Variants in SEPTIN3 observed in about 807,000 individuals in gnomAD.
The protein encoded by SEPTIN3 is neuronal-specific septin-3.
Under a neutral mutation model 45.1 loss-of-function variants are expected in SEPTIN3, and 15 were observed. That is an observed-to-expected ratio of 0.33 (90% CI 0.22 to 0.51). The LOEUF (loss-of-function observed/expected upper bound fraction) is 0.51, where lower values mean the gene tolerates loss of function less well. Ranked by LOEUF, SEPTIN3 falls within the 20% of genes least tolerant of loss-of-function variation. The pLI, the probability that SEPTIN3 is intolerant of heterozygous loss-of-function variation, is 0.97. For synonymous variants in SEPTIN3, 148 were observed against 164.8 expected (o/e 0.90, Z 0.78); for missense variants, 289 against 457.2 (o/e 0.63, Z 3.35).
intron 5 of SEPTIN3, 29 bp downstream of exon 5, chr22:41,987,316 C>T (rs777834021): frequency 3.8e-6 from 6 of 1,567,232 alleles, no homozygotes; most frequent in Admixed American, 1.7e-5. Flanking sequence ...GATCTTTGCC[C>T]TAAAGACTCT....
In SEPTIN3 at chr22:41,992,071, G is replaced by T. The variant is rs5758536; in HGVS notation, c.2259+403G>T. On this transcript the variant is annotated intron_variant, in intron 8 of 11. Coordinates refer to ENST00000644076, the MANE Select transcript of SEPTIN3 (RefSeq NM_001363845.2). ...ACTGAGTGGCTTATAGGCTTCCCCC[G>T]CTAGAATAACTTAAAAAAATTAAAT... Among the ~76,000 whole-genome samples, 267 of 151,664 alleles carry T rather than the reference G, an allele frequency of 1.8e-3. 1 individual carries two copies. Among genetic ancestry groups the T allele is most frequent in the Non-Finnish European group, 2.9e-3 (197 of 67,798 alleles).
At position 41,989,482 on chromosome 22, in the gene SEPTIN3, T is replaced by C. The variant is rs1049866599; in HGVS notation, c.2046-85T>C. The C allele has an allele frequency of 3.5e-6, 3 of 869,516 alleles. No homozygotes were observed. The African/African-American group carries it at 4.9e-5, about 14-fold the overall frequency. The allele number at this position is 869,516 out of a possible 1,614,324, so 53.9% of individuals were successfully genotyped here. ...CCAGATGCCCAGCCCAGTCCTCTTC[T>C]CCTGTGGGTGTCCTGGAGTGGTGGT... On this transcript the variant is annotated intron_variant, in intron 6 of 11. Coordinates refer to ENST00000644076, the MANE Select transcript of SEPTIN3 (RefSeq NM_001363845.2).
At chr22:41,978,318 A>G (rs536245297) in intron 2 of SEPTIN3, among the ~76,000 whole-genome samples, 50 of 152,300 alleles carry the variant, frequency 3.3e-4, no homozygotes, top group African/African-American at 1.2e-3. Flanking sequence ...TGCTGGGTAG[A>G]CTGGGGCACA....
chr22:41,993,826 G>A (rs758463022), intron 9 of SEPTIN3, among the ~76,000 whole-genome samples: 3 of 152,148 alleles, frequency 2.0e-5, no homozygotes, highest in Non-Finnish European at 4.4e-5. Context: ...TTCCAACAGT[G>A]CTTGGCCAAT....
At chr22:41,977,455 C>G (rs1392019904) in intron 2 of SEPTIN3, among the ~76,000 whole-genome samples, 2 of 152,276 alleles carry the variant, frequency 1.3e-5, no homozygotes, top group East Asian at 1.9e-4. Flanking sequence ...TACAGGCACA[C>G]GCTGAGACAG....
chr22:41,986,105 C>T lies in SEPTIN3; in HGVS notation c.1818C>T (p.Ile606=), dbSNP rs118016225. 6.6e-5 allele frequency: 106 copies of T among 1,612,750 alleles called. No homozygotes were observed. Among genetic ancestry groups the T allele is most frequent in the East Asian group, 3.3e-4 (15 of 44,832 alleles). The change falls in exon 4 of 12, where the codon ATC becomes ATT. Residue 606 remains isoleucine, a synonymous_variant. Transcript: ENST00000644076. Reference sequence around the variant, plus strand: ...CCAAGACAGTGGAGATCAAAGCTATCGGGCATGGTGAGGACCAGGCAGGGA... The same window carrying T: ...CCAAGACAGTGGAGATCAAAGCTATTGGGCATGGTGAGGACCAGGCAGGGA... ...KIPKTVEIKA[I]GHVIEEGGVK...
intron 7 of SEPTIN3, among the ~76,000 whole-genome samples, chr22:41,991,345 G>T (rs984744844): frequency 6.6e-6 from 1 of 152,148 alleles, no homozygotes; most frequent in African/African-American, 2.4e-5. Flanking sequence ...ACCTGAAGTT[G>T]CACCTCCTGG....
chr22:41,983,828 C>T (rs144850715), intron 3 of SEPTIN3, among the ~76,000 whole-genome samples: 108 of 152,294 alleles, frequency 7.1e-4, no homozygotes, highest in African/African-American at 2.6e-3. Context: ...TTGCAACATA[C>T]TATAATTGTC....
intron 2 of SEPTIN3, among the ~76,000 whole-genome samples, chr22:41,978,258 C>T (rs575966048): frequency 6.6e-6 from 1 of 152,166 alleles, no homozygotes; most frequent in Non-Finnish European, 1.5e-5. Context: ...CTCTGAAGTT[C>T]TCATTCACTC....
chr22:41,975,118 G>A (rs1322819493), intron 2 of SEPTIN3, among the ~76,000 whole-genome samples: 1 of 152,042 alleles, frequency 6.6e-6, no homozygotes, highest in African/African-American at 2.4e-5. Flanking sequence ...ATCCTGAAAG[G>A]TAAGTTGGAG....
chr22:41,997,279 T>C lies in SEPTIN3; in HGVS notation c.*312T>C. The C allele has an allele frequency of 2.7e-6, 1 of 370,222 alleles. No individual in the cohort carries two copies. Among genetic ancestry groups the C allele is most frequent in the Non-Finnish European group, 4.9e-6 (1 of 203,172 alleles). The allele number at this position is 370,222 out of a possible 1,614,324, so 22.9% of individuals were successfully genotyped here. ...TCTGCCCTTGTAAGCCCATCCCAGC[T>C]ACTTGTAACCATCTCTAAGGGCAAT... On this transcript the variant is annotated 3_prime_UTR_variant, in exon 12 of 12. Transcript: ENST00000644076.
At chr22:41,970,506 G>T (rs1289313334) in intron 1 of SEPTIN3, among the ~76,000 whole-genome samples, 1 of 152,152 alleles carries the variant, frequency 6.6e-6, no homozygotes, top group Non-Finnish European at 1.5e-5. Context: ...CACTGCCCGA[G>T]TGGCCGTTCC....
chr22:41,992,705 G>A lies in SEPTIN3; in HGVS notation c.2301G>A (p.Glu767=), dbSNP rs1249543254. The A allele has an allele frequency of 6.2e-7, 1 of 1,612,412 alleles. No individual in the cohort carries two copies. The highest frequency in any genetic ancestry group is 8.5e-7 in the Non-Finnish European group (1 of 1,179,314). Residue 767 remains glutamate, a synonymous_variant, in exon 9 of 12, where the codon GAG becomes GAA. Coordinates refer to ENST00000644076, the MANE Select transcript of SEPTIN3 (RefSeq NM_001363845.2). Reference sequence around the variant, plus strand: ...TTGCTGTGGTGGGAAGTGACAAGGAGTACCAAGTGAATGGCAAGAGGGTCC... The same window carrying A: ...TTGCTGTGGTGGGAAGTGACAAGGAATACCAAGTGAATGGCAAGAGGGTCC... ...MPFAVVGSDK[E]YQVNGKRVLG...
chr22:41,970,440 A>T (rs969089833), intron 1 of SEPTIN3, among the ~76,000 whole-genome samples: 1 of 152,084 alleles, frequency 6.6e-6, no homozygotes, highest in Non-Finnish European at 1.5e-5. Flanking sequence ...GAGAGTTTCA[A>T]CTATGTCCTC....
At chr22:41,973,767 G>A (rs562080507) in intron 2 of SEPTIN3, among the ~76,000 whole-genome samples, 6 of 152,112 alleles carry the variant, frequency 3.9e-5, no homozygotes, top group South Asian at 4.2e-4. Flanking sequence ...GATCACTTGC[G>A]GTCAGGAGTT....
At chr22:41,979,422 A>G (rs1356202941) in intron 2 of SEPTIN3, among the ~76,000 whole-genome samples, 1 of 152,238 alleles carries the variant, frequency 6.6e-6, no homozygotes, top group Admixed American at 6.5e-5. Flanking sequence ...CTTATAACAC[A>G]GGTTGAGACC....
At chr22:41,986,462 T>C (rs1261764649) in intron 4 of SEPTIN3, among the ~76,000 whole-genome samples, 4 of 152,098 alleles carry the variant, frequency 2.6e-5, no homozygotes, top group Admixed American at 6.5e-5. Flanking sequence ...GAGACCATCT[T>C]GGTCAACACA....
In SEPTIN3 at chr22:41,988,622, C is replaced by T. The variant is rs117105949; in HGVS notation, c.2045+863C>T. Among the ~76,000 whole-genome samples, 20 of 152,280 alleles carry T rather than the reference C, an allele frequency of 1.3e-4. No individual in the cohort carries two copies. The East Asian group carries it at 1.5e-3, about 12-fold the overall frequency. On this transcript the variant is annotated intron_variant, in intron 6 of 11. Coordinates refer to ENST00000644076, the MANE Select transcript of SEPTIN3 (RefSeq NM_001363845.2). ...GCTGGTTTTATCCCTCCCTAGGCTT[C>T]GACCCCCTGGTCAGAATGAACCATC... is the stretch of plus-strand genomic sequence containing the variant.
intron 1 of SEPTIN3, among the ~76,000 whole-genome samples, chr22:41,970,964 C>T (rs892296814): frequency 1.3e-5 from 2 of 152,198 alleles, no homozygotes; most frequent in Admixed American, 6.5e-5. Flanking sequence ...CCAAATTGGT[C>T]CTCTCTCATC....
Sources: allele counts gnomAD v4.1 joint callset (sites outside exome capture counted in the v4.1 genomes callset), GRCh38; gene constraint gnomAD v4.1.1; transcripts MANE v1.5; gene names NCBI Gene and HGNC (gene_info 2026-07-23, HGNC 2026-07-21).